SDK1: variants seen among roughly 807,000 people sequenced by gnomAD.
SDK1 encodes sidekick cell adhesion molecule 1.
SDK1 carries 157 observed loss-of-function variants against 245.5 expected under a neutral mutation model. The observed-to-expected ratio is 0.64, with a 90% confidence interval of 0.56 to 0.73. The LOEUF is 0.73. Ranked by LOEUF, SDK1 falls within the 30% of genes least tolerant of loss-of-function variation. The pLI, the probability that SDK1 is intolerant of heterozygous loss-of-function variation, is 0.00. For synonymous variants in SDK1, 1,647 were observed against 1,278.5 expected (o/e 1.29, Z -6.15); for missense variants, 3,583 against 3,002.3 (o/e 1.19, Z -4.52).
chr7:3,713,235 G>T (rs58735482), intron 4 of SDK1, among the ~76,000 whole-genome samples: 1 of 152,178 alleles, frequency 6.6e-6, no homozygotes, highest in African/African-American at 2.4e-5. Context: ...CCTTTGTTAG[G>T]ATAAGAAGGA....
chr7:3,375,775 G>A (rs528777900), intron 1 of SDK1, among the ~76,000 whole-genome samples: 1 of 152,252 alleles, frequency 6.6e-6, no homozygotes, highest in African/African-American at 2.4e-5. Flanking sequence ...TTCAGATGAC[G>A]GCAGCTCTGG....
intron 5 of SDK1, among the ~76,000 whole-genome samples, chr7:3,871,123 A>T (rs554045556): frequency 4.6e-5 from 7 of 151,416 alleles, no homozygotes; most frequent in African/African-American, 1.7e-4. Context: ...ACATATGTCA[A>T]TAGATTTATA....
At chr7:3,663,074 G>A (rs999631073) in intron 4 of SDK1, among the ~76,000 whole-genome samples, 1 of 152,096 alleles carries the variant, frequency 6.6e-6, no homozygotes, top group African/African-American at 2.4e-5. Flanking sequence ...TCTCATTTTG[G>A]ACTTTGAAGG....
In SDK1 at chr7:3,480,784, C is replaced by T. The variant is rs1235518969; in HGVS notation, c.299-138296C>T. On this transcript the variant is annotated intron_variant, in intron 1 of 44. Transcript: ENST00000404826. ...GCTATGAGTCAAAGGATGCAGGGAG[C>T]CTCTAGAAGCTTGAACAGGTGAGGA... Among the ~76,000 whole-genome samples the T allele has an allele frequency of 4.6e-5, 7 of 152,158 alleles. No homozygotes were observed. The South Asian group carries it at 1.4e-3, about 32-fold the overall frequency.
intron 1 of SDK1, among the ~76,000 whole-genome samples, chr7:3,536,693 CA>C (rs397933900): frequency 1.2e-4 from 16 of 128,770 alleles, no homozygotes; most frequent in Admixed American, 3.2e-4. Flanking sequence ...GACTCTGTCT[CA>C]AAAAAAAAAA....
chr7:3,859,108 C>T lies in SDK1; in HGVS notation c.847+37525C>T, dbSNP rs558023612. 3.1e-3 allele frequency among the ~76,000 whole-genome samples: 475 copies of T among 151,920 alleles called. 3 individuals are homozygous for T. The highest frequency in any genetic ancestry group is 8.3e-3 in the African/African-American group (343 of 41,426). The stretch of plus-strand genomic sequence containing the variant: ...CGAACTCCTGACCTCGTGATCCGCC[C>T]GCCTCGGCCTCCCAAAGTGCTGGGA... On this transcript the variant is annotated intron_variant, in intron 5 of 44. Coordinates refer to ENST00000404826, the MANE Select transcript of SDK1 (RefSeq NM_152744.4).
At position 3,971,366 on chromosome 7, in the gene SDK1, C is replaced by G. The variant is rs559740054; in HGVS notation, c.1715-100C>G. 6.0e-5 allele frequency: 46 copies of G among 766,370 alleles called. No individual in the cohort carries two copies. The East Asian group carries it at 9.7e-4, about 16-fold the overall frequency. The allele number at this position is 766,370 out of a possible 1,614,324, so 47.5% of individuals were successfully genotyped here. A position where few individuals can be genotyped will look rare whatever the true frequency, so the allele number is the denominator to read the frequency against. On this transcript the variant is annotated intron_variant, in intron 11 of 44. Coordinates refer to ENST00000404826, the MANE Select transcript of SDK1 (RefSeq NM_152744.4). Reference sequence around the variant, plus strand: ...CATTCTGCCAAGATGAGAGAAAACTCGGAGGTTGTGATGTCAGATGACCAG... The same window carrying G: ...CATTCTGCCAAGATGAGAGAAAACTGGGAGGTTGTGATGTCAGATGACCAG...
At chr7:3,813,048 T>C (rs1475330342) in intron 4 of SDK1, among the ~76,000 whole-genome samples, 1 of 152,246 alleles carries the variant, frequency 6.6e-6, no homozygotes. Context: ...TAACATGTAC[T>C]GAGCATTCAG....
intron 17 of SDK1, among the ~76,000 whole-genome samples, chr7:4,022,094 A>G (rs1414876955): frequency 6.6e-6 from 1 of 151,992 alleles, no homozygotes; most frequent in Non-Finnish European, 1.5e-5. Context: ...AAGGCAGCCT[A>G]GGGGCTTGAG....
At chr7:3,791,815 C>T (rs1475577148) in intron 4 of SDK1, among the ~76,000 whole-genome samples, 1 of 152,106 alleles carries the variant, frequency 6.6e-6, no homozygotes, top group Non-Finnish European at 1.5e-5. Flanking sequence ...CTCCTCAGTA[C>T]CTGGCATTGC....
chr7:3,584,863 A>G (rs1295396383), intron 1 of SDK1, among the ~76,000 whole-genome samples: 1 of 151,820 alleles, frequency 6.6e-6, no homozygotes, highest in Non-Finnish European at 1.5e-5. Flanking sequence ...AGCTGGGACT[A>G]CAGGTGCCTG....
At position 4,067,776 on chromosome 7, in the gene SDK1, C is replaced by T. The variant is rs1779996048; in HGVS notation, c.2912-62C>T. ...TTCCATAGTTAGAACCTTCCCCACA[C>T]ATCTGATCAAAAGAAAATTTGGGCT... On this transcript the variant is annotated intron_variant, in intron 19 of 44. Transcript: ENST00000404826. The T allele has an allele frequency of 6.3e-6, 8 of 1,260,484 alleles. No homozygotes were observed. In the South Asian group the frequency reaches 1.0e-4, roughly 16 times the overall value. The allele number at this position is 1,260,484 out of a possible 1,614,324, so 78.1% of individuals were successfully genotyped here.
At chr7:3,761,412 G>C (rs1426059651) in intron 4 of SDK1, among the ~76,000 whole-genome samples, 1 of 151,558 alleles carries the variant, frequency 6.6e-6, no homozygotes, top group Non-Finnish European at 1.5e-5. Flanking sequence ...AACTTAGCCA[G>C]GCGTGGTGGT....
chr7:3,491,992 A>G (rs11979623), intron 1 of SDK1, among the ~76,000 whole-genome samples: 13,828 of 152,254 alleles, frequency 0.091, 839 homozygotes, highest in African/African-American at 0.16. Context: ...TCCATATGGA[A>G]CACATTACGT....
chr7:3,508,037 C>A (rs1289690129), intron 1 of SDK1, among the ~76,000 whole-genome samples: 1 of 152,174 alleles, frequency 6.6e-6, no homozygotes, highest in African/African-American at 2.4e-5. Context: ...TATTTTCCTT[C>A]TGGCTGTCCC....
chr7:3,491,030 A>T (rs1209055327), intron 1 of SDK1, among the ~76,000 whole-genome samples: 1 of 152,222 alleles, frequency 6.6e-6, no homozygotes, highest in South Asian at 2.1e-4. Context: ...CCCTGTGCAC[A>T]TTTACTCTAG....
At chr7:3,626,297 C>A (rs577447302) in intron 2 of SDK1, among the ~76,000 whole-genome samples, 50 of 152,218 alleles carry the variant, frequency 3.3e-4, no homozygotes, top group African/African-American at 9.4e-4. Context: ...TCCTTGAACC[C>A]CTCAGTGTAA....
At chr7:3,538,417 G>T (rs1778956991) in intron 1 of SDK1, among the ~76,000 whole-genome samples, 2 of 151,618 alleles carry the variant, frequency 1.3e-5, no homozygotes, top group Admixed American at 6.6e-5. Context: ...CATTAATTTT[G>T]CCTTTTAATG....
chr7:3,951,675 C>T (rs1051035468), intron 6 of SDK1, 55 bp from the exon 7 acceptor site: 27 of 1,527,276 alleles, frequency 1.8e-5, no homozygotes, highest in African/African-American at 5.5e-5. Context: ...AGATGATGAC[C>T]GTTGCCACCT....
Sources: gnomAD v4.1 joint callset for allele counts (sites outside exome capture counted in the v4.1 genomes callset) on GRCh38, gnomAD v4.1.1 for gene constraint, MANE v1.5 for transcripts, NCBI Gene and HGNC (gene_info 2026-07-23, HGNC 2026-07-21) for gene names.